Variants in KIZ observed in about 807,000 individuals in gnomAD.
KIZ encodes the protein centrosomal protein kizuna.
A neutral mutation model predicts 79.6 loss-of-function variants in KIZ; 68 were observed. The ratio of observed to expected loss-of-function variants is 0.85; its 90% confidence interval spans 0.70 to 1.05. The LOEUF is 1.05. Ranked by LOEUF, KIZ falls within the 50% of genes least tolerant of loss-of-function variation. KIZ has a pLI of 0.00. For synonymous variants in KIZ, 280 were observed against 281.8 expected (o/e 0.99, Z 0.06); for missense variants, 797 against 800.4 (o/e 1.00, Z 0.05).
intron 10 of KIZ, among the ~76,000 whole-genome samples, chr20:21,230,321 A>T (rs1281628421): frequency 1.3e-5 from 2 of 152,202 alleles, no homozygotes; most frequent in Non-Finnish European, 2.9e-5. Context: ...CAAAAAATTT[A>T]AAAATTAGCC....
At chr20:21,128,214 T>C (rs2031608488) in intron 1 of KIZ, among the ~76,000 whole-genome samples, 1 of 152,148 alleles carries the variant, frequency 6.6e-6, no homozygotes, top group Non-Finnish European at 1.5e-5. Flanking sequence ...GGTTTCACCA[T>C]GTTGGCCAGG....
intron 9 of KIZ, among the ~76,000 whole-genome samples, chr20:21,216,089 A>C (rs1479897143): frequency 6.6e-6 from 1 of 152,224 alleles, no homozygotes; most frequent in African/African-American, 2.4e-5. Flanking sequence ...CCTCAGTTAC[A>C]AAGCCTGTCT....
chr20:21,159,500 T>C (rs2033554642), intron 4 of KIZ, among the ~76,000 whole-genome samples: 1 of 152,102 alleles, frequency 6.6e-6, no homozygotes, highest in South Asian at 2.1e-4. Flanking sequence ...CCCGATTCCT[T>C]CTACTCCCCA....
chr20:21,221,485 A>G (rs749546189), intron 9 of KIZ, among the ~76,000 whole-genome samples: 29 of 152,156 alleles, frequency 1.9e-4, no homozygotes, highest in Non-Finnish European at 3.8e-4. Context: ...TCCATGTGAA[A>G]AGGGCTCTCA....
chr20:21,153,451 A>G (rs954224100), intron 4 of KIZ, among the ~76,000 whole-genome samples: 2 of 152,162 alleles, frequency 1.3e-5, no homozygotes, highest in Admixed American at 1.3e-4. Flanking sequence ...ATATATCTTA[A>G]ATTTAGATAG....
intron 4 of KIZ, among the ~76,000 whole-genome samples, chr20:21,146,792 T>C (rs2032870182): frequency 1.3e-5 from 2 of 152,086 alleles, no homozygotes; most frequent in South Asian, 2.1e-4. Flanking sequence ...TCTGAGTTTA[T>C]AGGAAGTTTT....
Position 21,150,169 on chromosome 20 carries a change from G to T in KIZ, c.405+4515G>T, listed in dbSNP as rs575287378. 2.6e-5 allele frequency among the ~76,000 whole-genome samples: 4 copies of T among 152,306 alleles called. No homozygotes were observed. The South Asian group carries it at 8.3e-4, about 32-fold the overall frequency. ...AGTGCCACGCCTGGCTCCTCTTCTG[G>T]TGCTGCACAGCAGCTGAGAGAAACG... On this transcript the variant is annotated intron_variant, in intron 4 of 12. Transcript: ENST00000619189.
chr20:21,242,840 T>TGCCACAGTGCTCTCCATCCACCC (rs2037264631), intron 11 of KIZ, among the ~76,000 whole-genome samples: 1 of 152,152 alleles, frequency 6.6e-6, no homozygotes, highest in African/African-American at 2.4e-5. Flanking sequence ...CCCAATCACC[T>TGCCACAGTGCTCTCCATCCACCC]GCCACAGTGC....
At chr20:21,176,937 T>C (rs1479236208) in intron 6 of KIZ, among the ~76,000 whole-genome samples, 1 of 152,226 alleles carries the variant, frequency 6.6e-6, no homozygotes, top group African/African-American at 2.4e-5. Flanking sequence ...TGTGTCAAAA[T>C]TTCCTTCCTT....
At chr20:21,204,111 T>TG in intron 6 of KIZ, among the ~76,000 whole-genome samples, 2 of 126,802 alleles carry the variant, frequency 1.6e-5, no homozygotes, top group Non-Finnish European at 3.3e-5. Context: ...CTATGTTTTT[T>TG]TTTTTTTTTT....
At chr20:21,156,333 A>AT (rs764707908) in intron 4 of KIZ, among the ~76,000 whole-genome samples, 1 of 152,156 alleles carries the variant, frequency 6.6e-6, no homozygotes, top group Admixed American at 6.5e-5. Flanking sequence ...GATTGTTATA[A>AT]TTTTAATTTT....
At chr20:21,214,394 A>G in intron 7 of KIZ, 141 bp from the exon 8 acceptor site, 1 of 587,718 alleles carries the variant, frequency 1.7e-6, no homozygotes, top group Non-Finnish European at 2.9e-6. Context: ...TTGACATTTT[A>G]ATTTCATTTA....
intron 7 of KIZ, among the ~76,000 whole-genome samples, chr20:21,206,573 A>G (rs572220027): frequency 2.1e-3 from 324 of 152,366 alleles, no homozygotes; most frequent in African/African-American, 7.6e-3. Flanking sequence ...AGGCTGAAGC[A>G]TGGGCTCAAG....
At chr20:21,233,495 C>T (rs2036900563) in intron 11 of KIZ, among the ~76,000 whole-genome samples, 1 of 152,144 alleles carries the variant, frequency 6.6e-6, no homozygotes, top group African/African-American at 2.4e-5. Context: ...AAGCCATCAC[C>T]TGATGAAATA....
In KIZ at chr20:21,163,069, T is replaced by C. The variant is rs1398349527; in HGVS notation, c.1262T>C (p.Val421Ala). 1.2e-6 allele frequency: 2 copies of C among 1,613,560 alleles called. No individual in the cohort carries two copies. Among genetic ancestry groups the C allele is most frequent in the African/African-American group, 1.3e-5 (1 of 74,966 alleles). The change falls in exon 6 of 13, where the codon GTT becomes GCT. Residue 421 changes from valine (V) to alanine (A), a missense_variant. By Grantham distance (64) the Val-to-Ala change is moderately conservative. Transcript: ENST00000619189. The stretch of plus-strand genomic sequence containing the variant: ...TTAATCCATGCTGAGCAAGAAAGAG[T>C]TGCCCTATCCACTGAAAAAAATTGT... The part of the protein sequence containing the change: ...LKLIHAEQER[V>A]ALSTEKNCIL...
chr20:21,129,743 AT>A (rs1381717667), intron 1 of KIZ, among the ~76,000 whole-genome samples: 2 of 151,656 alleles, frequency 1.3e-5, no homozygotes. Flanking sequence ...AAAAAAAAAA[AT>A]GTGTGTATAT....
At chr20:21,225,781 G>GCTT (rs2036636174) in intron 9 of KIZ, among the ~76,000 whole-genome samples, 1 of 152,130 alleles carries the variant, frequency 6.6e-6, no homozygotes, top group Non-Finnish European at 1.5e-5. Context: ...CATGAAACTA[G>GCTT]CATCCTGGCC....
At chr20:21,150,070 G>A (rs1038150259) in intron 4 of KIZ, among the ~76,000 whole-genome samples, 6 of 152,162 alleles carry the variant, frequency 3.9e-5, no homozygotes, top group African/African-American at 1.4e-4. Context: ...TGACTGTGTA[G>A]GGCATGCCTC....
At position 21,162,831 on chromosome 20, in the gene KIZ, T is replaced by G. The variant is rs1213331208; in HGVS notation, c.1043-19T>G. 4.4e-6 allele frequency: 7 copies of G among 1,599,776 alleles called. No homozygotes were observed. The South Asian group carries it at 6.8e-5, about 15-fold the overall frequency. On this transcript the variant is annotated intron_variant, in intron 5 of 12. Transcript: ENST00000619189. ...CCTGAAGTCAGTGATTGGTAATCAG[T>G]TCATGTCGCCACTTGCAGATCATCT...
Sources: allele counts gnomAD v4.1 joint callset (sites outside exome capture counted in the v4.1 genomes callset), GRCh38; gene constraint gnomAD v4.1.1; transcripts MANE v1.5; gene names NCBI Gene and HGNC (gene_info 2026-07-23, HGNC 2026-07-21).